TG: variants seen among roughly 807,000 people sequenced by gnomAD.
TG encodes the protein thyroglobulin.
TG carries 270 observed loss-of-function variants against 324.7 expected under a neutral mutation model. The observed-to-expected ratio is 0.83, with a 90% CI of 0.75 to 0.92. The LOEUF (loss-of-function observed/expected upper bound fraction) is 0.92, where lower values mean the gene tolerates loss of function less well. TG is among the 40% of genes least tolerant of loss of function. The pLI is 0.00. For missense variants in TG, 3,591 were observed against 3,456.4 expected, an observed-to-expected ratio of 1.04 and a Z score of -0.98; for synonymous variants, 1,401 against 1,327.0, an observed-to-expected ratio of 1.06 and a Z score of -1.21.
At chr8:132,908,992 G>A (rs1404336807) in intron 18 of TG, among the ~76,000 whole-genome samples, 2 of 152,218 alleles carry the variant, frequency 1.3e-5, no homozygotes, top group Non-Finnish European at 2.9e-5. Context: ...GAACCGGTAT[G>A]AGTGAGCAGA....
At chr8:132,898,270 C>T (rs1178002900) in intron 13 of TG, 24 bp downstream of exon 13, 1 of 1,567,096 alleles carries the variant, frequency 6.4e-7, no homozygotes, top group Admixed American at 1.9e-5. Context: ...GCAGAGTTCT[C>T]CTCCTGACCC....
chr8:132,908,934 A>C (rs1423114670), intron 18 of TG, among the ~76,000 whole-genome samples: 1 of 152,198 alleles, frequency 6.6e-6, no homozygotes, highest in African/African-American at 2.4e-5. Flanking sequence ...ATAGAAGGTC[A>C]GAGTTTCTGT....
At chr8:133,058,989 G>A in intron 41 of TG, 1 of 468,220 alleles carries the variant, frequency 2.1e-6, no homozygotes. Context: ...ACACAAGCTG[G>A]GCCTGTCCAT....
chr8:132,897,924 T>C (rs1817355549), intron 12 of TG, 138 bp downstream of exon 12: 1 of 1,108,276 alleles, frequency 9.0e-7, no homozygotes, highest in African/African-American at 1.6e-5. Context: ...CCTTAGCTTC[T>C]CGGGCCTCCA....
chr8:133,024,030 T>G (rs1157781432), intron 40 of TG, among the ~76,000 whole-genome samples: 1 of 152,262 alleles, frequency 6.6e-6, no homozygotes, highest in Non-Finnish European at 1.5e-5. Context: ...TCACCAGATA[T>G]TTCTCCTGGA....
chr8:133,132,086 C>A, intron 46 of TG, 140 bp downstream of exon 46: 1 of 1,329,988 alleles, frequency 7.5e-7, no homozygotes, highest in Non-Finnish European at 1.1e-6. Flanking sequence ...CACTGGCCTC[C>A]CTGTCTCAGT....
In TG at chr8:132,881,932, C is replaced by G; in HGVS notation, c.708C>G (p.His236Gln). 1 of 1,614,126 alleles carries G rather than the reference C, an allele frequency of 6.2e-7. No individual in the cohort carries two copies. The highest frequency in any genetic ancestry group is 1.3e-5 in the African/African-American group (1 of 75,068). ...RRFPEVSGYCHCADSQGRELA... is the reference protein window; with the variant it reads ...RRFPEVSGYCQCADSQGRELA... ...TCCCTGAGGTATCTGGGTATTGCCA[C>G]TGTGCTGACAGCCAAGGGCGGGAAC... Residue 236 changes from histidine (H) to glutamine (Q), a missense_variant, in exon 6 of 48, where the codon CAC (histidine) becomes CAG (glutamine). Physicochemically the swap from His to Gln is conservative, Grantham distance 24. Transcript: ENST00000220616.
At chr8:132,877,054 C>T (rs1813911745) in intron 5 of TG, among the ~76,000 whole-genome samples, 1 of 152,214 alleles carries the variant, frequency 6.6e-6, no homozygotes, top group South Asian at 2.1e-4. Flanking sequence ...ACTGGGGAAG[C>T]ACCAGATCAC....
chr8:133,113,118 CT>C (rs559616215), intron 43 of TG, among the ~76,000 whole-genome samples: 85 of 152,290 alleles, frequency 5.6e-4, no homozygotes, highest in African/African-American at 1.9e-3. Context: ...AATGGTTAAC[CT>C]TAACAGAGCA....
At chr8:132,963,379 A>C (rs1199575097) in intron 29 of TG, among the ~76,000 whole-genome samples, 2 of 152,258 alleles carry the variant, frequency 1.3e-5, no homozygotes, top group African/African-American at 2.4e-5. Flanking sequence ...ACTGTGGCCA[A>C]TGGGCTTCAC....
rs1009837701 is a variant in TG, at chr8:132,956,585, C to T, written c.5402-4423C>T. Among the ~76,000 whole-genome samples the T allele has an allele frequency of 7.2e-5, 11 of 152,248 alleles. No homozygotes were observed. In the East Asian group the frequency reaches 9.7e-4, roughly 13 times the overall value. ...TAGGCAGAGAGAAAAAGGCATGCAACGACGCAGAGGCCTGACAGCAAGCAT... is the reference window on the plus strand; with the variant it reads ...TAGGCAGAGAGAAAAAGGCATGCAATGACGCAGAGGCCTGACAGCAAGCAT... On this transcript the variant is annotated intron_variant, in intron 27 of 47. Transcript: ENST00000220616.
At chr8:133,102,463 A>G in intron 43 of TG, 2 of 1,153,404 alleles carry the variant, frequency 1.7e-6, no homozygotes, top group Non-Finnish European at 2.5e-6. Context: ...GGATCCATCA[A>G]GTCCCTCTGA....
intron 10 of TG, among the ~76,000 whole-genome samples, chr8:132,893,342 G>A (rs915540344): frequency 6.9e-6 from 1 of 144,960 alleles, no homozygotes; most frequent in African/African-American, 2.6e-5. Flanking sequence ...TGTATGGTGT[G>A]TATAGGTGTG....
At chr8:132,972,842 A>G (rs1829721199) in intron 34 of TG, 101 bp downstream of exon 34, 2 of 1,461,082 alleles carry the variant, frequency 1.4e-6, no homozygotes, top group Middle Eastern at 2.0e-4. Context: ...AGATTAATGA[A>G]GACTCATTGG....
chr8:132,949,774 A>G (rs1275382738), intron 27 of TG, among the ~76,000 whole-genome samples: 1 of 152,204 alleles, frequency 6.6e-6, no homozygotes, highest in East Asian at 1.9e-4. Context: ...CATCTCTGCG[A>G]TCATCTGCCC....
At chr8:133,126,959 G>T (rs1436777069) in intron 45 of TG, among the ~76,000 whole-genome samples, 2 of 152,156 alleles carry the variant, frequency 1.3e-5, no homozygotes, top group Admixed American at 1.3e-4. Flanking sequence ...CAGACTTCCT[G>T]CAGACAGACG....
chr8:132,969,422 C>T (rs976323628), intron 31 of TG, 36 bp from the exon 32 acceptor site: 1 of 1,427,478 alleles, frequency 7.0e-7, no homozygotes, highest in African/African-American at 1.4e-5. Context: ...TACAGCAAAT[C>T]TCTAAGTAAT....
chr8:133,008,359 T>A (rs542371004), intron 35 of TG, among the ~76,000 whole-genome samples: 3 of 152,252 alleles, frequency 2.0e-5, no homozygotes, highest in African/African-American at 7.2e-5. Flanking sequence ...AAGACATTCA[T>A]GGAAAAGAAG....
chr8:132,929,428 G>A (rs186179075), intron 23 of TG, among the ~76,000 whole-genome samples: 2 of 152,288 alleles, frequency 1.3e-5, no homozygotes, highest in East Asian at 3.9e-4. Context: ...GAGTAGAAAT[G>A]AACAAAATTA....
Sources: allele counts gnomAD v4.1 joint callset (sites outside exome capture counted in the v4.1 genomes callset), GRCh38; gene constraint gnomAD v4.1.1; transcripts MANE v1.5; gene names NCBI Gene and HGNC (gene_info 2026-07-23, HGNC 2026-07-21).